ALDH1A2: variants seen among roughly 807,000 people sequenced by gnomAD.
The protein encoded by ALDH1A2 is aldehyde dehydrogenase 1 family member A2.
Under a neutral mutation model 60.3 loss-of-function variants are expected in ALDH1A2, and 27 were observed. That is an observed-to-expected ratio of 0.45 (90% CI 0.33 to 0.62). The LOEUF (loss-of-function observed/expected upper bound fraction) is 0.62, where lower values mean the gene tolerates loss of function less well. Among genes scored for constraint, ALDH1A2 ranks in the 20% least tolerant of loss-of-function variants. The pLI, the probability that ALDH1A2 is intolerant of heterozygous loss-of-function variation, is 0.02. For missense variants in ALDH1A2, 581 were observed against 643.8 expected (o/e 0.90, Z 1.06); for synonymous variants, 289 against 232.4 (o/e 1.24, Z -2.21).
chr15:57,955,154 G>C lies in ALDH1A2; in HGVS notation c.*43C>G. The C allele has an allele frequency of 1.3e-6, 2 of 1,579,952 alleles. No individual in the cohort carries two copies. Among genetic ancestry groups the C allele is most frequent in the Non-Finnish European group, 1.7e-6 (2 of 1,148,846 alleles). On this transcript the variant is annotated 3_prime_UTR_variant, in exon 13 of 13. Transcript: ENST00000249750. ...TGGGCCCTACAGAGAAAGCAGAGAG[G>C]GACAGACGTGCAGGCTGGGCTTCAT...
chr15:58,024,693 C>T (rs1896028086), intron 1 of ALDH1A2, among the ~76,000 whole-genome samples: 1 of 152,144 alleles, frequency 6.6e-6, no homozygotes. Context: ...TTAAACTAGA[C>T]TTTACACCAA....
At chr15:57,995,993 G>C (rs922021821) in intron 4 of ALDH1A2, among the ~76,000 whole-genome samples, 1 of 151,946 alleles carries the variant, frequency 6.6e-6, no homozygotes, top group South Asian at 2.1e-4. Flanking sequence ...TTAAATACTG[G>C]GCAAAGTCTT....
At chr15:58,007,242 T>C (rs1358250537) in intron 4 of ALDH1A2, among the ~76,000 whole-genome samples, 2 of 151,988 alleles carry the variant, frequency 1.3e-5, no homozygotes, top group African/African-American at 4.8e-5. Flanking sequence ...CTAGGAGCAA[T>C]AGTTCCATAT....
chr15:58,057,380 T>G (rs542556091), intron 1 of ALDH1A2, among the ~76,000 whole-genome samples: 1 of 152,038 alleles, frequency 6.6e-6, no homozygotes, highest in African/African-American at 2.4e-5. Context: ...CGCAAAACAA[T>G]AGCATGTATT....
In ALDH1A2 at chr15:58,014,234, G is replaced by A. The variant is rs1232623688; in HGVS notation, c.165C>T (p.Phe55=). 1.9e-6 allele frequency: 3 copies of A among 1,614,044 alleles called. No individual in the cohort carries two copies. Among genetic ancestry groups the A allele is most frequent in the Non-Finnish European group, 1.7e-6 (2 of 1,179,964 alleles). ...CTCCTGTGGCTGGATTATAGACAGG[G>A]AACACTCTCCCACTCTCTGAGTTCT... ...EWQNSESGRV[F]PVYNPATGEQ... Residue 55 remains phenylalanine, a synonymous_variant, in exon 2 of 13, where the codon TTC becomes TTT. Transcript: ENST00000249750.
At chr15:58,047,573 T>G (rs1024782521) in intron 1 of ALDH1A2, among the ~76,000 whole-genome samples, 4 of 152,030 alleles carry the variant, frequency 2.6e-5, no homozygotes, top group Non-Finnish European at 4.4e-5. Context: ...TATGGCACTC[T>G]GTAAGGCTGG....
intron 4 of ALDH1A2, among the ~76,000 whole-genome samples, chr15:58,008,565 C>T (rs575753549): frequency 6.6e-6 from 1 of 152,202 alleles, no homozygotes; most frequent in South Asian, 2.1e-4. Flanking sequence ...TAAAAGAAAA[C>T]CAAGGTACCG....
chr15:58,015,341 C>T (rs1190552109), intron 1 of ALDH1A2, among the ~76,000 whole-genome samples: 1 of 152,164 alleles, frequency 6.6e-6, no homozygotes, highest in Non-Finnish European at 1.5e-5. Context: ...TTTCCTTTTA[C>T]ATGTTTTCCT....
chr15:58,009,008 T>C (rs912613309), intron 4 of ALDH1A2, among the ~76,000 whole-genome samples: 2 of 152,058 alleles, frequency 1.3e-5, no homozygotes, highest in African/African-American at 4.8e-5. Flanking sequence ...TCTCAGTCAG[T>C]TGAACAAGGG....
At chr15:58,026,239 T>C (rs558380018) in intron 1 of ALDH1A2, among the ~76,000 whole-genome samples, 30 of 152,208 alleles carry the variant, frequency 2.0e-4, no homozygotes, top group Middle Eastern at 3.4e-3. Flanking sequence ...TATGATAAAG[T>C]AGGATTTTTA....
At chr15:58,019,541 G>A (rs1895869075) in intron 1 of ALDH1A2, among the ~76,000 whole-genome samples, 1 of 152,158 alleles carries the variant, frequency 6.6e-6, no homozygotes, top group Non-Finnish European at 1.5e-5. Context: ...TAGAAATGCT[G>A]ACTTACTAAA....
chr15:58,013,892 G>A lies in ALDH1A2; in HGVS notation c.329C>T (p.Ala110Val), dbSNP rs35365164. 6.2e-7 allele frequency: 1 copy of A among 1,614,190 alleles called. No individual in the cohort carries two copies. Among genetic ancestry groups the A allele is most frequent in the East Asian group, 2.2e-5 (1 of 44,882 alleles). Residue 110 changes from alanine (A) to valine (V), a missense_variant, in exon 3 of 13, where the codon GCA becomes GTA. Around this residue, in one of 2 missense-constraint regions of ALDH1A2, gnomAD observed 206 missense variants for 174.1 expected, o/e 1.18. Coordinates refer to ENST00000249750, the MANE Select transcript of ALDH1A2 (RefSeq NM_003888.4). ...SERGRLLDKL[A>V]DLVERDRAVL... ...TGCCCTGTCCCGTTCCACCAAGTCT[G>A]CAAGCTTATCCAACAGACGTCCCCT...
intron 1 of ALDH1A2, among the ~76,000 whole-genome samples, chr15:58,033,809 G>T (rs1015702849): frequency 2.0e-4 from 30 of 147,868 alleles, no homozygotes; most frequent in African/African-American, 7.2e-4. Flanking sequence ...TTGTGTGAAT[G>T]TATTTCTTGG....
chr15:58,061,610 CAAA>C (rs1216992550), intron 1 of ALDH1A2, among the ~76,000 whole-genome samples: 6 of 100,328 alleles, frequency 6.0e-5, no homozygotes, highest in African/African-American at 1.4e-4. Context: ...AAAAAAAAAA[CAAA>C]AAAAAAAAAA....
chr15:57,954,916 C>A lies in ALDH1A2; in HGVS notation c.*281G>T. ...CAGCTCCCTTATTTCATCCTGTGCTCCAGAAGGAGATACTGGATGTGTCTG... is the reference window on the plus strand; with the variant it reads ...CAGCTCCCTTATTTCATCCTGTGCTACAGAAGGAGATACTGGATGTGTCTG... On this transcript the variant is annotated 3_prime_UTR_variant, in exon 13 of 13. Transcript: ENST00000249750. 1.9e-6 allele frequency: 1 copy of A among 522,516 alleles called. No homozygotes were observed. Among genetic ancestry groups the A allele is most frequent in the South Asian group, 2.1e-5 (1 of 46,666 alleles). 32.4% of individuals were successfully genotyped at this position (522,516 alleles called of 1,614,324 possible).
At chr15:58,033,247 T>A (rs1025015693) in intron 1 of ALDH1A2, among the ~76,000 whole-genome samples, 1 of 151,998 alleles carries the variant, frequency 6.6e-6, no homozygotes, top group South Asian at 2.1e-4. Flanking sequence ...AAAAATGCAT[T>A]TGTATGTATT....
At chr15:57,956,233 G>A (rs759546559) in intron 12 of ALDH1A2, among the ~76,000 whole-genome samples, 10 of 152,234 alleles carry the variant, frequency 6.6e-5, no homozygotes, top group Admixed American at 2.0e-4. Context: ...AGGGAAGGAG[G>A]AAGGGCGAGC....
intron 4 of ALDH1A2, among the ~76,000 whole-genome samples, chr15:58,005,686 T>C (rs1895426659): frequency 6.6e-6 from 1 of 151,928 alleles, no homozygotes; most frequent in Non-Finnish European, 1.5e-5. Context: ...AAAGCAGTCT[T>C]ACATCTAAAA....
chr15:57,977,889 G>A (rs1027941162), intron 7 of ALDH1A2, among the ~76,000 whole-genome samples: 1 of 152,182 alleles, frequency 6.6e-6, no homozygotes, highest in African/African-American at 2.4e-5. Context: ...GTGGTTTATA[G>A]TTCTCCTTGA....
Sources: gnomAD v4.1 joint callset for allele counts (sites outside exome capture counted in the v4.1 genomes callset) on GRCh38, gnomAD v4.1.1 for gene constraint, gnomAD v4.1.1 regional missense constraint, MANE v1.5 for transcripts, NCBI Gene and HGNC (gene_info 2026-07-23, HGNC 2026-07-21) for gene names.